GCN1: variants seen among roughly 807,000 people sequenced by gnomAD.
GCN1 encodes stalled ribosome sensor GCN1.
Under a neutral mutation model 288.4 loss-of-function variants are expected in GCN1, and 90 were observed. The ratio of observed to expected loss-of-function variants is 0.31; its 90% CI spans 0.26 to 0.37. The LOEUF is 0.37. GCN1 is among the 10% of genes least tolerant of loss of function. The probability of loss-of-function intolerance (pLI) is 1.00; values close to 1 mark genes in which losing one functional copy is unlikely to be tolerated. For missense variants in GCN1, 2,586 were observed against 3,419.9 expected (o/e 0.76, Z 6.08); for synonymous variants, 1,386 against 1,420.2 (o/e 0.98, Z 0.54).
chr12:120,164,829 T>C (rs1281761728), intron 16 of GCN1, 108 bp from the exon 17 acceptor site: 7 of 665,138 alleles, frequency 1.1e-5, no homozygotes, highest in Non-Finnish European at 1.8e-5. Context: ...CACCAAAATA[T>C]AAATGTGATT....
At chr12:120,176,342 C>G (rs1878481596) in intron 9 of GCN1, 125 bp from the exon 10 acceptor site, 1 of 661,634 alleles carries the variant, frequency 1.5e-6, no homozygotes, top group East Asian at 2.7e-5. Flanking sequence ...CTACAGGCTA[C>G]ATGAGTAGTC....
At chr12:120,170,797 A>G (rs1878289171) in intron 14 of GCN1, among the ~76,000 whole-genome samples, 2 of 151,932 alleles carry the variant, frequency 1.3e-5, no homozygotes, top group South Asian at 2.1e-4. Context: ...CTTCCCCCAT[A>G]CAGATGACCT....
At chr12:120,168,525 G>C (rs569155438) in intron 15 of GCN1, 1 of 457,970 alleles carries the variant, frequency 2.2e-6, no homozygotes, top group African/African-American at 2.0e-5. Context: ...TAGGTGAACT[G>C]CTTCTCATCC....
intron 56 of GCN1, among the ~76,000 whole-genome samples, chr12:120,130,123 A>G (rs1024036826): frequency 2.6e-5 from 4 of 152,202 alleles, no homozygotes; most frequent in Non-Finnish European, 5.9e-5. Context: ...TTAGAGTACC[A>G]GGCATGGCCC....
At position 120,137,485 on chromosome 12, in the gene GCN1, T is replaced by C; in HGVS notation, c.6663+60A>G. 6.4e-7 allele frequency: 1 copy of C among 1,567,516 alleles called. No individual in the cohort carries two copies. The highest frequency in any genetic ancestry group is 1.7e-5 in the Admixed American group (1 of 59,122). ...TGGGGGATTCTTATAAGTCTATTCC[T>C]GTAAATGTCTGGAATTTTCTAAAAG... On this transcript the variant is annotated intron_variant, in intron 49 of 57. Coordinates refer to ENST00000300648, the MANE Select transcript of GCN1 (RefSeq NM_006836.2). This position sits in a 1 kb window ranked among gnomAD's most constrained non-coding sequence, Gnocchi z 5.2.
chr12:120,160,538 G>A (rs1299205647), intron 22 of GCN1, among the ~76,000 whole-genome samples: 1 of 152,198 alleles, frequency 6.6e-6, no homozygotes, highest in Non-Finnish European at 1.5e-5. Flanking sequence ...GTTCCTCAAT[G>A]TACTCAAAAG....
At chr12:120,152,389 GCACA>G (rs59756164) in intron 33 of GCN1, among the ~76,000 whole-genome samples, 20 of 116,574 alleles carry the variant, frequency 1.7e-4, no homozygotes, top group South Asian at 5.8e-4. Context: ...ACACACACGC[GCACA>G]CACACACACA....
chr12:120,163,573 G>A (rs1375718646), intron 18 of GCN1, among the ~76,000 whole-genome samples: 1 of 152,196 alleles, frequency 6.6e-6, no homozygotes, highest in African/African-American at 2.4e-5. Flanking sequence ...CTTTGGGAGG[G>A]AGGGAAGCAG....
chr12:120,175,217 GAAGA>G lies in GCN1; in HGVS notation c.1043-9_1043-6del. On this transcript the variant is annotated splice_polypyrimidine_tract_variant and splice_region_variant and intron_variant, in intron 11 of 57. Transcript: ENST00000300648. The stretch of plus-strand genomic sequence containing the variant: ...CAGTTAGTTTTCCTTCCGAGCCTGA[GAAGA>G]GAGACAGCAAAGATTCACATTCACA... 1 of 1,610,770 alleles carries G rather than the reference GAAGA, an allele frequency of 6.2e-7. No homozygotes were observed. Among genetic ancestry groups the G allele is most frequent in the African/African-American group, 1.3e-5 (1 of 74,676 alleles).
At chr12:120,180,528 C>T (rs1306637322) in intron 5 of GCN1, among the ~76,000 whole-genome samples, 4 of 150,890 alleles carry the variant, frequency 2.7e-5, no homozygotes, top group Admixed American at 1.3e-4. Context: ...TCGCTTGAAC[C>T]CAGGAGGTGG....
intron 15 of GCN1, among the ~76,000 whole-genome samples, chr12:120,169,153 C>T (rs1210931751): frequency 4.0e-5 from 6 of 151,690 alleles, no homozygotes; most frequent in East Asian, 1.9e-4. Flanking sequence ...AAATTAGCCG[C>T]GCGTGGCGGC....
intron 37 of GCN1, 69 bp from the exon 38 acceptor site, chr12:120,147,341 G>A: frequency 2.6e-6 from 2 of 782,436 alleles, no homozygotes; most frequent in Non-Finnish European, 4.0e-6. Flanking sequence ...TGGGCCCCCA[G>A]AACTAGAATG....
intron 20 of GCN1, 60 bp downstream of exon 20, chr12:120,162,787 C>A: frequency 6.4e-7 from 1 of 1,568,852 alleles, no homozygotes; most frequent in Non-Finnish European, 8.7e-7. Context: ...TCTTCCTGTA[C>A]ACTGTGATGA....
intron 5 of GCN1, 134 bp from the exon 6 acceptor site, chr12:120,179,084 C>G: frequency 1.5e-6 from 1 of 670,114 alleles, no homozygotes; most frequent in Non-Finnish European, 2.6e-6. Flanking sequence ...TCCCACTCAA[C>G]TCCAGCCAGC....
At position 120,151,250 on chromosome 12, in the gene GCN1, C is replaced by G. The variant is rs1464138434; in HGVS notation, c.4204G>C (p.Ala1402Pro). 2.5e-6 allele frequency: 4 copies of G among 1,614,188 alleles called. No individual in the cohort carries two copies. The highest frequency in any genetic ancestry group is 3.4e-6 in the Non-Finnish European group (4 of 1,180,026). Residue 1402 changes from alanine to proline, a missense_variant, in exon 34 of 58, where the codon GCG (alanine) becomes CCG (proline). Coordinates refer to ENST00000300648, the MANE Select transcript of GCN1 (RefSeq NM_006836.2). The stretch of plus-strand genomic sequence containing the variant: ...ATGCCCAGGCCCTTCACCAGGCCCG[C>G]CAGGCCATAGGCGGCCCCTTTGCGC... ...AERKGAAYGL[A>P]GLVKGLGILS...
chr12:120,142,265 G>A lies in GCN1; in HGVS notation c.5829+242C>T, dbSNP rs1877221279. On this transcript the variant is annotated intron_variant, in intron 44 of 57. Transcript: ENST00000300648. The surrounding 1 kb of genome is among the most constrained non-coding windows in gnomAD (Gnocchi z 4.9). ...GGCATGAACCTAGGAGGCGGAGCTT[G>A]CAGTGAGCTGAGATCACGCCACTGC... is the stretch of plus-strand genomic sequence containing the variant. Among the ~76,000 whole-genome samples, 1 of 152,188 alleles carries A rather than the reference G, an allele frequency of 6.6e-6. No individual in the cohort carries two copies. The highest frequency in any genetic ancestry group is 1.5e-5 in the Non-Finnish European group (1 of 68,022).
chr12:120,147,325 G>A (rs974704743), intron 37 of GCN1, 53 bp from the exon 38 acceptor site: 1 of 974,572 alleles, frequency 1.0e-6, no homozygotes, highest in Non-Finnish European at 1.5e-6. Context: ...GCAGCTGCAA[G>A]GCCCCTGGGC....
intron 5 of GCN1, among the ~76,000 whole-genome samples, chr12:120,182,558 C>T (rs1878699047): frequency 6.6e-6 from 1 of 152,174 alleles, no homozygotes; most frequent in African/African-American, 2.4e-5. Flanking sequence ...TTGAGGTGGA[C>T]AGGGTGAGTA....
rs1594292827 is a variant in GCN1, at chr12:120,190,461, GT to G, written c.19-62del. On this transcript the variant is annotated intron_variant, in intron 1 of 57. Coordinates refer to ENST00000300648, the MANE Select transcript of GCN1 (RefSeq NM_006836.2). ...AGACTATAAAACTATGAGTGTGTGTGTTGAGGGGTGGGTGTAGAATTTGGGG... is the reference window on the plus strand; with the variant it reads ...AGACTATAAAACTATGAGTGTGTGTGTGAGGGGTGGGTGTAGAATTTGGGG... 1.3e-4 allele frequency: 116 copies of G among 887,572 alleles called. 1 individual carries two copies. The East Asian group carries it at 2.8e-3, about 21-fold the overall frequency. The allele number at this position is 887,572 out of a possible 1,614,324, so 55.0% of individuals were successfully genotyped here. A position where few individuals can be genotyped will look rare whatever the true frequency, so the allele number is the denominator to read the frequency against.
Sources: gnomAD v4.1 joint callset for allele counts (sites outside exome capture counted in the v4.1 genomes callset) on GRCh38, gnomAD v4.1.1 for gene constraint, Gnocchi (gnomAD v3.1) non-coding constraint, MANE v1.5 for transcripts, NCBI Gene and HGNC (gene_info 2026-07-23, HGNC 2026-07-21) for gene names.